Variants in ATP8A2 observed in about 807,000 individuals in gnomAD.
ATP8A2 encodes phospholipid-transporting ATPase IB.
A neutral mutation model predicts 165.6 loss-of-function variants in ATP8A2; 100 were observed. The ratio of observed to expected loss-of-function variants is 0.60; its 90% confidence interval spans 0.51 to 0.71. The LOEUF (loss-of-function observed/expected upper bound fraction) is 0.71. ATP8A2 is among the 30% of genes least tolerant of loss of function. The probability of loss-of-function intolerance (pLI) is 0.00; values close to 1 mark genes in which losing one functional copy is unlikely to be tolerated. For missense variants in ATP8A2, 1,227 were observed against 1,479.5 expected (o/e 0.83, Z 2.80); for synonymous variants, 543 against 548.8 (o/e 0.99, Z 0.15).
intron 24 of ATP8A2, among the ~76,000 whole-genome samples, chr13:25,646,669 A>AC (rs1391955372): frequency 3.6e-5 from 5 of 137,420 alleles, no homozygotes; most frequent in South Asian, 5.1e-4. Context: ...AAAAAAAAAA[A>AC]AACACACAAA....
chr13:25,402,209 A>T (rs562588813), intron 1 of ATP8A2, among the ~76,000 whole-genome samples: 1 of 152,206 alleles, frequency 6.6e-6, no homozygotes, highest in East Asian at 1.9e-4. Flanking sequence ...AGATTTCATC[A>T]TGCCACTCAG....
At chr13:25,886,103 T>A (rs972764029) in intron 33 of ATP8A2, among the ~76,000 whole-genome samples, 1 of 152,214 alleles carries the variant, frequency 6.6e-6, no homozygotes, top group Non-Finnish European at 1.5e-5. Context: ...AAGCTTTTCC[T>A]CCAAGAATAT....
intron 2 of ATP8A2, among the ~76,000 whole-genome samples, chr13:25,503,293 A>G (rs115318194): frequency 6.6e-6 from 1 of 152,186 alleles, no homozygotes; most frequent in South Asian, 2.1e-4. Context: ...GAAGAAATCA[A>G]TGACATACGC....
chr13:25,575,034 G>A (rs1476029928), intron 19 of ATP8A2, among the ~76,000 whole-genome samples, 177 bp downstream of exon 19: 1 of 152,208 alleles, frequency 6.6e-6, no homozygotes, highest in Non-Finnish European at 1.5e-5. Flanking sequence ...TAAAGAAAGT[G>A]AAGTAGGTTA....
Position 25,774,920 on chromosome 13 carries a change from G to T in ATP8A2, c.2640G>T (p.Leu880Phe). 2 of 1,613,346 alleles carry T rather than the reference G, an allele frequency of 1.2e-6. No homozygotes were observed. The highest frequency in any genetic ancestry group is 8.5e-7 in the Non-Finnish European group (1 of 1,179,316). The change falls in exon 27 of 37, where the codon TTG becomes TTT. Residue 880 changes from leucine (L) to phenylalanine (F), a missense_variant. Transcript: ENST00000381655. Reference protein sequence around the residue: ...WSYNRVTKCILYCFYKNVVLY... With the variant: ...WSYNRVTKCIFYCFYKNVVLY... ...ACAACCGGGTGACCAAGTGCATCTT[G>T]TACTGCTTCTATAAGAACGTGGTCC...
At chr13:25,868,603 C>T (rs946162370) in intron 33 of ATP8A2, among the ~76,000 whole-genome samples, 1 of 152,172 alleles carries the variant, frequency 6.6e-6, no homozygotes, top group African/African-American at 2.4e-5. Flanking sequence ...AAGTAACACA[C>T]TGTGTTTCTG....
At chr13:25,419,700 G>T (rs1380797038) in intron 1 of ATP8A2, among the ~76,000 whole-genome samples, 2 of 152,120 alleles carry the variant, frequency 1.3e-5, no homozygotes, top group Non-Finnish European at 2.9e-5. Flanking sequence ...GGTGTCTAAA[G>T]AATTGATATA....
chr13:25,953,542 A>AG lies in ATP8A2; in HGVS notation c.3184-8033_3184-8032insG, dbSNP rs1419993019. On this transcript the variant is annotated intron_variant, in intron 33 of 36. Transcript: ENST00000381655. The surrounding 1 kb of genome is among the most constrained non-coding windows in gnomAD (Gnocchi z 6.7). Reference sequence around the variant, plus strand: ...CTTTTTAAAAAAAAAAAAAAAAAAAAAAAAGCAAGGGAAATAGGCAAGACG... The same window carrying AG: ...CTTTTTAAAAAAAAAAAAAAAAAAAAGAAAAGCAAGGGAAATAGGCAAGACG... 3.6e-5 allele frequency among the ~76,000 whole-genome samples: 5 copies of AG among 137,208 alleles called. No homozygotes were observed. Among genetic ancestry groups the AG allele is most frequent in the Admixed American group, 7.2e-5 (1 of 13,932 alleles). The allele number at this position is 137,208 out of a possible 152,430, so 90.0% of individuals were successfully genotyped here.
intron 33 of ATP8A2, among the ~76,000 whole-genome samples, chr13:25,941,301 T>C (rs1264155266): frequency 6.6e-6 from 1 of 152,102 alleles, no homozygotes; most frequent in African/African-American, 2.4e-5. Flanking sequence ...TGGTGACTGT[T>C]CCCTGTTTGA....
chr13:25,392,563 A>G (rs2137975842), intron 1 of ATP8A2, among the ~76,000 whole-genome samples: 1 of 152,336 alleles, frequency 6.6e-6, no homozygotes, highest in African/African-American at 2.4e-5. Flanking sequence ...AAGAAATCAG[A>G]AGGCTTTCAG....
chr13:25,483,369 T>C (rs1322312885), intron 2 of ATP8A2, among the ~76,000 whole-genome samples: 1 of 152,138 alleles, frequency 6.6e-6, no homozygotes, highest in Admixed American at 6.5e-5. Flanking sequence ...GAAAGCCCCT[T>C]TCACCCCAGT....
chr13:25,928,158 C>T (rs1379850890), intron 33 of ATP8A2, among the ~76,000 whole-genome samples: 1 of 152,210 alleles, frequency 6.6e-6, no homozygotes, highest in Non-Finnish European at 1.5e-5. Context: ...GAAGTCACAG[C>T]CCCCTTGACA....
intron 30 of ATP8A2, among the ~76,000 whole-genome samples, chr13:25,843,772 A>T (rs1453423127): frequency 6.6e-6 from 1 of 152,118 alleles, no homozygotes; most frequent in Non-Finnish European, 1.5e-5. Context: ...ATCAAAACAC[A>T]TCTCTACATA....
intron 15 of ATP8A2, among the ~76,000 whole-genome samples, chr13:25,562,242 T>C (rs1284302939): frequency 6.6e-6 from 1 of 152,222 alleles, no homozygotes; most frequent in Non-Finnish European, 1.5e-5. Context: ...CTGCCAGCAA[T>C]GCACAAGGGT....
chr13:25,573,413 T>TG (rs1235306234), intron 18 of ATP8A2, among the ~76,000 whole-genome samples: 1 of 152,188 alleles, frequency 6.6e-6, no homozygotes, highest in East Asian at 1.9e-4. Context: ...GTCATATTTC[T>TG]GGGGGTCACA....
At position 25,468,779 on chromosome 13, in the gene ATP8A2, C is replaced by T. The variant is rs1038232605; in HGVS notation, c.77-198C>T. 4.4e-4 allele frequency: 419 copies of T among 956,368 alleles called. 3 individuals carry two copies. In the African/African-American group the frequency reaches 7.0e-3, roughly 16 times the overall value. The allele number at this position is 956,368 out of a possible 1,614,324, so 59.2% of individuals were successfully genotyped here. A position where few individuals can be genotyped will look rare whatever the true frequency, so the allele number is the denominator to read the frequency against. On this transcript the variant is annotated intron_variant, in intron 1 of 36. Coordinates refer to ENST00000381655, the MANE Select transcript of ATP8A2 (RefSeq NM_016529.6). ...CGCGGGGCGTGGGCGTGGGCGGGGC[C>T]GGGGGCGGGGCCGGCCTTGGCTGCC...
intron 2 of ATP8A2, among the ~76,000 whole-genome samples, chr13:25,495,936 C>T (rs1293216514): frequency 6.6e-6 from 1 of 152,086 alleles, no homozygotes; most frequent in African/African-American, 2.4e-5. Flanking sequence ...AGGATTCTTG[C>T]TCATCTTTAT....
At chr13:25,639,830 C>G (rs1362263709) in intron 24 of ATP8A2, among the ~76,000 whole-genome samples, 1 of 152,104 alleles carries the variant, frequency 6.6e-6, no homozygotes, top group East Asian at 1.9e-4. Context: ...ACACTTATTC[C>G]AAAATTGACC....
At chr13:25,790,968 T>C (rs905648788) in intron 27 of ATP8A2, among the ~76,000 whole-genome samples, 6 of 152,152 alleles carry the variant, frequency 3.9e-5, no homozygotes, top group African/African-American at 1.4e-4. Flanking sequence ...GGAAAAACAG[T>C]GTGATGATTT....
Sources: gnomAD v4.1 joint callset for allele counts (sites outside exome capture counted in the v4.1 genomes callset) on GRCh38, gnomAD v4.1.1 for gene constraint, Gnocchi (gnomAD v3.1) non-coding constraint, MANE v1.5 for transcripts, NCBI Gene and HGNC (gene_info 2026-07-23, HGNC 2026-07-21) for gene names.